Variants in HLA-DQB2 observed in about 807,000 individuals in gnomAD.
The protein encoded by HLA-DQB2 is HLA class II histocompatibility antigen, DQ beta 2 chain.
A neutral mutation model predicts 29.2 loss-of-function variants in HLA-DQB2; 24 were observed. The ratio of observed to expected loss-of-function variants is 0.82; its 90% confidence interval spans 0.60 to 1.16. HLA-DQB2 has a LOEUF of 1.16. Ranked by LOEUF, HLA-DQB2 falls within the 50% of genes most tolerant of loss-of-function variation. The pLI is 0.00. For missense variants in HLA-DQB2, 273 were observed against 343.6 expected (o/e 0.79, Z 1.62); for synonymous variants, 104 against 133.1 (o/e 0.78, Z 1.51).
At chr6:32,763,300 A>G (rs550089196) in intron 1 of HLA-DQB2, 74 bp downstream of exon 1, 1 of 778,898 alleles carries the variant, frequency 1.3e-6, no homozygotes, top group African/African-American at 1.7e-5. Flanking sequence ...GGAGATCACC[A>G]TCCCCCATAC....
chr6:32,757,969 G>A (rs999163813), intron 3 of HLA-DQB2, 86 bp from the exon 4 acceptor site: 27 of 1,151,166 alleles, frequency 2.3e-5, no homozygotes, highest in Non-Finnish European at 3.2e-5. Flanking sequence ...GGGGACACTA[G>A]TTCTCCAGTC....
Position 32,761,827 on chromosome 6 carries a change from C to G in HLA-DQB2, c.197G>C (p.Gly66Ala), listed in dbSNP as rs1210363978. ...CTCCCCAACGTCGCTGTCGAAGCGC[C>G]CGTACTCCTCGCGGTTATAGATGTA... is the stretch of plus-strand genomic sequence containing the variant. ...ARYIYNREEY[G>A]RFDSDVGEFQ... Residue 66 changes from glycine (G) to alanine (A), a missense_variant, in exon 2 of 6, where the codon GGG becomes GCG. Transcript: ENST00000437316. The G allele has an allele frequency of 1.3e-6, 2 of 1,591,770 alleles. No individual in the cohort carries two copies. The highest frequency in any genetic ancestry group is 1.4e-5 in the African/African-American group (1 of 72,402).
chr6:32,757,415 C>A (rs190434446), intron 4 of HLA-DQB2, 111 bp from the exon 5 acceptor site: 1 of 838,598 alleles, frequency 1.2e-6, no homozygotes, highest in South Asian at 1.5e-5. Context: ...TCTTCCCTCC[C>A]ATGTTCTTTA....
At position 32,757,831 on chromosome 6, in the gene HLA-DQB2, G is replaced by A. The variant is rs931442583; in HGVS notation, c.699C>T (p.Phe233=). 4.3e-6 allele frequency: 7 copies of A among 1,613,872 alleles called. No individual in the cohort carries two copies. The highest frequency in any genetic ancestry group is 2.7e-5 in the African/African-American group (2 of 74,920). The stretch of plus-strand genomic sequence containing the variant: ...GCCCGAGGAAGATCAGCCCCAGCAC[G>A]AAGCCTCCAATGCCACTCAGCATCT... ...QSKMLSGIGG[F]VLGLIFLGLG... Residue 233 remains phenylalanine (F), a synonymous_variant, in exon 4 of 6, where the codon TTC becomes TTT. Transcript: ENST00000437316.
At chr6:32,756,528 T>C (rs3213489) in intron 5 of HLA-DQB2, 62 bp from the exon 6 acceptor site, 885,183 of 1,532,634 alleles carry the variant, frequency 0.58, 261,309 homozygotes, top group East Asian at 0.76. Context: ...CCCTCTCCCC[T>C]AGTCCTCAGT....
chr6:32,756,639 G>T, intron 5 of HLA-DQB2, 173 bp from the exon 6 acceptor site: 1 of 1,408,736 alleles, frequency 7.1e-7, no homozygotes, highest in East Asian at 2.6e-5. Context: ...TGAGGACACA[G>T]AACTTCAGCT....
chr6:32,758,382 G>T (rs118185960), intron 3 of HLA-DQB2, among the ~76,000 whole-genome samples: 3 of 152,106 alleles, frequency 2.0e-5, no homozygotes, highest in African/African-American at 7.2e-5. Flanking sequence ...TCCTGCCCCT[G>T]CCCTGTGAGA....
At chr6:32,756,680 C>A in intron 5 of HLA-DQB2, 1 of 1,359,202 alleles carries the variant, frequency 7.4e-7, no homozygotes, top group East Asian at 2.7e-5. Flanking sequence ...GGGGGAACAG[C>A]AGTTACCCTT....
intron 5 of HLA-DQB2, 45 bp downstream of exon 5, chr6:32,757,236 A>AT: frequency 6.5e-7 from 1 of 1,550,132 alleles, no homozygotes. Context: ...CTTCCCTCTT[A>AT]TGCCTGTGCC....
intron 3 of HLA-DQB2, 58 bp from the exon 4 acceptor site, chr6:32,757,941 CAGGAGG>C: frequency 9.8e-7 from 1 of 1,016,576 alleles, no homozygotes; most frequent in Non-Finnish European, 1.4e-6. Flanking sequence ...GTCCTTGGTA[CAGGAGG>C]TGGAGATGTC....
intron 3 of HLA-DQB2, among the ~76,000 whole-genome samples, chr6:32,758,506 C>T (rs1003325786): frequency 8.5e-5 from 13 of 152,356 alleles, no homozygotes; most frequent in African/African-American, 3.1e-4. Flanking sequence ...AATTAAACCT[C>T]TTCTCTTTAT....
chr6:32,761,627 G>C, intron 2 of HLA-DQB2, 33 bp downstream of exon 2: 1 of 1,526,682 alleles, frequency 6.6e-7, no homozygotes, highest in Non-Finnish European at 8.8e-7. Flanking sequence ...CCCCGGCCAA[G>C]GGTGAGCCCC....
Position 32,757,861 on chromosome 6 carries a change from C to A in HLA-DQB2, c.669G>T (p.Gln223His), listed in dbSNP as rs1288488255. 20 of 1,613,088 alleles carry A rather than the reference C, an allele frequency of 1.2e-5. No homozygotes were observed. Among genetic ancestry groups the A allele is most frequent in the Non-Finnish European group, 1.5e-5 (18 of 1,179,680 alleles). The stretch of plus-strand genomic sequence containing the variant: ...CTCCAATGCCACTCAGCATCTTGCT[C>A]TGGGCAGATTCAGACTGAGCCCCTA... The part of the protein sequence containing the change: ...VEWRAQSESA[Q>H]SKMLSGIGGF... The change falls in exon 4 of 6, where the codon CAG (glutamine) becomes CAT (histidine). Residue 223 changes from glutamine (Q) to histidine (H), a missense_variant. Gln to His is a conservative substitution (Grantham distance 24). Transcript: ENST00000437316.
chr6:32,759,373 A>T (rs1048143047), intron 2 of HLA-DQB2, among the ~76,000 whole-genome samples: 2 of 151,404 alleles, frequency 1.3e-5, no homozygotes, highest in African/African-American at 2.4e-5. Context: ...CAAAAAATTG[A>T]ATGTTATTTC....
chr6:32,761,645 G>C lies in HLA-DQB2; in HGVS notation c.364+15C>G. 1 of 1,540,768 alleles carries C rather than the reference G, an allele frequency of 6.5e-7. No individual in the cohort carries two copies. Among genetic ancestry groups the C allele is most frequent in the Non-Finnish European group, 8.7e-7 (1 of 1,144,350 alleles). The stretch of plus-strand genomic sequence containing the variant: ...CGGCCAAGGGTGAGCCCCGCGGAAG[G>C]ACGACGACGCTCACCTTGCCGCTGC... On this transcript the variant is annotated intron_variant, in intron 2 of 5. Coordinates refer to ENST00000437316, the MANE Select transcript of HLA-DQB2 (RefSeq NM_001300790.2).
intron 2 of HLA-DQB2, among the ~76,000 whole-genome samples, chr6:32,760,540 G>A (rs1764692184): frequency 6.6e-6 from 1 of 152,176 alleles, no homozygotes; most frequent in Admixed American, 6.5e-5. Flanking sequence ...GTTTGCTAAG[G>A]CAATTGTCTA....
chr6:32,761,598 T>C (rs2395262), intron 2 of HLA-DQB2, 62 bp downstream of exon 2: 3 of 1,428,728 alleles, frequency 2.1e-6, no homozygotes, highest in African/African-American at 3.9e-5. Context: ...CTCGCCCCTC[T>C]GTGCGCAAGA....
chr6:32,756,501 G>A (rs770357071), intron 5 of HLA-DQB2, 35 bp from the exon 6 acceptor site: 1 of 1,564,504 alleles, frequency 6.4e-7, no homozygotes. Flanking sequence ...TCAGCACAGG[G>A]TACCCTGAGG....
chr6:32,760,891 T>TA (rs376039899), intron 2 of HLA-DQB2, among the ~76,000 whole-genome samples: 18,765 of 139,506 alleles, frequency 0.13, no homozygotes, highest in East Asian at 0.24. Flanking sequence ...AAATAATTGA[T>TA]AAAGTCCATC....
Sources: gnomAD v4.1 joint callset for allele counts (sites outside exome capture counted in the v4.1 genomes callset) on GRCh38, gnomAD v4.1.1 for gene constraint, MANE v1.5 for transcripts, NCBI Gene and HGNC (gene_info 2026-07-23, HGNC 2026-07-21) for gene names.